Variants in COL26A1 observed in about 807,000 individuals in gnomAD.
COL26A1 encodes collagen alpha-1(XXVI) chain.
In COL26A1, 41 loss-of-function variants were observed where a neutral mutation model predicts 59.3. The observed-to-expected ratio is 0.69, with a 90% CI of 0.54 to 0.90. COL26A1 has a LOEUF of 0.90. Among genes scored for constraint, COL26A1 ranks in the 40% least tolerant of loss-of-function variants. The pLI, the probability that COL26A1 is intolerant of heterozygous loss-of-function variation, is 0.00. For synonymous variants in COL26A1, 266 were observed against 256.0 expected (o/e 1.04, Z -0.37); for missense variants, 612 against 602.3 (o/e 1.02, Z -0.17).
chr7:101,455,127 C>T (rs973620947), intron 3 of COL26A1, among the ~76,000 whole-genome samples: 2 of 151,128 alleles, frequency 1.3e-5, no homozygotes, highest in African/African-American at 4.9e-5. Flanking sequence ...ACTGCAACCT[C>T]CGCCTCCCAG....
intron 4 of COL26A1, among the ~76,000 whole-genome samples, chr7:101,537,476 G>A (rs1385553702): frequency 2.6e-5 from 4 of 152,206 alleles, no homozygotes; most frequent in African/African-American, 9.7e-5. Context: ...CCACGCCCAT[G>A]GCTGCCCACC....
chr7:101,463,631 C>T (rs1252507152), intron 3 of COL26A1, among the ~76,000 whole-genome samples: 1 of 45,548 alleles, frequency 2.2e-5, no homozygotes, highest in South Asian at 9.0e-4. Context: ...CCCCCTCTTC[C>T]TTCCTTCCTT....
intron 1 of COL26A1, among the ~76,000 whole-genome samples, chr7:101,406,972 C>G (rs1792142277): frequency 6.6e-6 from 1 of 152,022 alleles, no homozygotes; most frequent in South Asian, 2.1e-4. Context: ...ACAAGAAAAC[C>G]TCATCCTACT....
chr7:101,524,397 C>A (rs552001417), intron 3 of COL26A1, among the ~76,000 whole-genome samples: 1 of 152,162 alleles, frequency 6.6e-6, no homozygotes, highest in Non-Finnish European at 1.5e-5. Context: ...ATTTATCAGG[C>A]ACCTACAGCC....
intron 3 of COL26A1, among the ~76,000 whole-genome samples, chr7:101,453,335 C>G (rs181091302): frequency 7.3e-4 from 111 of 152,252 alleles, no homozygotes; most frequent in Admixed American, 1.6e-3. Context: ...CCACTGCACT[C>G]CAGCCTGGTT....
intron 3 of COL26A1, among the ~76,000 whole-genome samples, chr7:101,514,170 T>C (rs1335179705): frequency 6.6e-6 from 1 of 151,778 alleles, no homozygotes; most frequent in African/African-American, 2.4e-5. Context: ...ACCCTGTCCC[T>C]ACTAAAAACA....
chr7:101,394,825 T>G (rs1046821065), intron 1 of COL26A1, among the ~76,000 whole-genome samples: 1 of 151,424 alleles, frequency 6.6e-6, no homozygotes, highest in Non-Finnish European at 1.5e-5. Flanking sequence ...TCTCCTTGGC[T>G]GTTGCTGTAG....
In COL26A1 at chr7:101,411,130, G is replaced by A. The variant is rs529383093; in HGVS notation, c.159-8847G>A. Among the ~76,000 whole-genome samples, 162 of 152,342 alleles carry A rather than the reference G, an allele frequency of 1.1e-3. 1 individual carries two copies. Among genetic ancestry groups the A allele is most frequent in the Non-Finnish European group, 1.9e-3 (128 of 68,040 alleles). ...GGCTCAGGTCCTGGCACAGACCACA[G>A]CCCAGAGCAGCTGCTGTGGTTGAGC... On this transcript the variant is annotated intron_variant, in intron 1 of 12. Transcript: ENST00000313669.
At chr7:101,370,573 T>A (rs986862585) in intron 1 of COL26A1, among the ~76,000 whole-genome samples, 1 of 152,072 alleles carries the variant, frequency 6.6e-6, no homozygotes, top group Non-Finnish European at 1.5e-5. Flanking sequence ...GGTTTTGTCA[T>A]GTTGGCCAGG....
chr7:101,406,491 A>G (rs1286617901), intron 1 of COL26A1, among the ~76,000 whole-genome samples: 1 of 152,172 alleles, frequency 6.6e-6, no homozygotes, highest in Non-Finnish European at 1.5e-5. Context: ...GATGGCAGAC[A>G]GATGATGGAG....
chr7:101,441,058 C>A (rs1793046962), intron 2 of COL26A1, among the ~76,000 whole-genome samples: 1 of 151,884 alleles, frequency 6.6e-6, no homozygotes, highest in Admixed American at 6.6e-5. Context: ...GAATCAGGGG[C>A]CCGAGATCAG....
Position 101,544,093 on chromosome 7 carries a change from C to T in COL26A1, c.700C>T (p.Pro234Ser). Reference sequence around the variant, plus strand: ...AGGAGAGAAGGGTCCAGCGGGGCCGCCTGGTAAGAAAACCCCCCACATATG... The same window carrying T: ...AGGAGAGAAGGGTCCAGCGGGGCCGTCTGGTAAGAAAACCCCCCACATATG... ...QTGEKGPAGPPGLLGPPGPRG... is the reference protein window; with the variant it reads ...QTGEKGPAGPSGLLGPPGPRG... Residue 234 changes from proline (P) to serine (S), a missense_variant, in exon 6 of 13, where the codon CCT becomes TCT. By Grantham distance (74) the Pro-to-Ser change is moderately conservative. Coordinates refer to ENST00000313669, the MANE Select transcript of COL26A1 (RefSeq NM_001278563.3). 2 of 1,599,138 alleles carry T rather than the reference C, an allele frequency of 1.3e-6. No individual in the cohort carries two copies. Among genetic ancestry groups the T allele is most frequent in the Non-Finnish European group, 1.7e-6 (2 of 1,173,336 alleles).
intron 1 of COL26A1, among the ~76,000 whole-genome samples, chr7:101,369,317 G>A (rs796242090): frequency 9.2e-5 from 14 of 151,858 alleles, no homozygotes; most frequent in African/African-American, 3.1e-4. Flanking sequence ...TGAGGCAGGA[G>A]AATTGCTTGA....
chr7:101,464,900 C>T (rs367891660), intron 3 of COL26A1, among the ~76,000 whole-genome samples: 1 of 150,116 alleles, frequency 6.7e-6, no homozygotes, highest in Non-Finnish European at 1.5e-5. Flanking sequence ...TTTGTAGTGG[C>T]GGGGTCTCGC....
chr7:101,483,675 C>CTTTTT (rs34954444), intron 3 of COL26A1, among the ~76,000 whole-genome samples: 1 of 147,724 alleles, frequency 6.8e-6, no homozygotes, highest in Non-Finnish European at 1.5e-5. Flanking sequence ...GTCCAGCTAA[C>CTTTTT]TTTGTTTTTT....
At position 101,557,539 on chromosome 7, in the gene COL26A1, T is replaced by G; in HGVS notation, c.*9T>G. 1.2e-6 allele frequency: 2 copies of G among 1,603,180 alleles called. No individual in the cohort carries two copies. Among genetic ancestry groups the G allele is most frequent in the Middle Eastern group, 1.7e-4 (1 of 5,952 alleles). On this transcript the variant is annotated 3_prime_UTR_variant, in exon 13 of 13. Coordinates refer to ENST00000313669, the MANE Select transcript of COL26A1 (RefSeq NM_001278563.3). ...CCAGCAGCAGGAAGTGAGAGCCCAC[T>G]GCTCCAGGACACCCTGTCCTGGCTA...
At chr7:101,400,864 C>A (rs10278190) in intron 1 of COL26A1, among the ~76,000 whole-genome samples, 2 of 151,960 alleles carry the variant, frequency 1.3e-5, no homozygotes, top group African/African-American at 4.8e-5. Flanking sequence ...CGACCCACAC[C>A]GCCTTCCTTC....
chr7:101,461,323 A>G (rs1793605912), intron 3 of COL26A1, among the ~76,000 whole-genome samples: 1 of 139,146 alleles, frequency 7.2e-6, no homozygotes, highest in African/African-American at 2.8e-5. Context: ...TTTTTGACGG[A>G]GTTTCGCTGT....
chr7:101,379,139 T>C (rs1372375562), intron 1 of COL26A1, among the ~76,000 whole-genome samples: 1 of 152,166 alleles, frequency 6.6e-6, no homozygotes, highest in African/African-American at 2.4e-5. Context: ...CTGGCCTCCT[T>C]TGATTGACTT....
Sources: allele counts gnomAD v4.1 joint callset (sites outside exome capture counted in the v4.1 genomes callset), GRCh38; gene constraint gnomAD v4.1.1; transcripts MANE v1.5; gene names NCBI Gene and HGNC (gene_info 2026-07-23, HGNC 2026-07-21).